KCNIP4: variants seen among roughly 807,000 people sequenced by gnomAD.
The protein encoded by KCNIP4 is Kv channel-interacting protein 4.
KCNIP4 carries 12 observed loss-of-function variants against 34.0 expected under a neutral mutation model. That is an observed-to-expected ratio of 0.35 (90% confidence interval 0.23 to 0.57). KCNIP4 has a LOEUF of 0.57. KCNIP4 is among the 20% of genes least tolerant of loss of function. The pLI is 0.83. For missense variants in KCNIP4, 238 were observed against 311.7 expected (o/e 0.76, Z 1.78); for synonymous variants, 124 against 102.2 (o/e 1.21, Z -1.29).
At chr4:21,382,885 C>T (rs948358198) in intron 1 of KCNIP4, among the ~76,000 whole-genome samples, 1 of 152,138 alleles carries the variant, frequency 6.6e-6, no homozygotes, top group African/African-American at 2.4e-5. Flanking sequence ...GTGTATACAA[C>T]AGTGATTACC....
chr4:21,938,867 C>T (rs1286517869), intron 1 of KCNIP4, among the ~76,000 whole-genome samples: 1 of 152,098 alleles, frequency 6.6e-6, no homozygotes, highest in African/African-American at 2.4e-5. Flanking sequence ...AAACAATTAA[C>T]ATATCTTTTT....
At chr4:21,228,980 CT>C (rs1758607109) in intron 1 of KCNIP4, among the ~76,000 whole-genome samples, 1 of 152,146 alleles carries the variant, frequency 6.6e-6, no homozygotes, top group South Asian at 2.1e-4. Flanking sequence ...CACTCAAGGC[CT>C]CTTTGATCTA....
At chr4:21,338,848 A>T (rs73802580) in intron 1 of KCNIP4, among the ~76,000 whole-genome samples, 1 of 152,058 alleles carries the variant, frequency 6.6e-6, no homozygotes, top group African/African-American at 2.4e-5. Context: ...TCATCACTTA[A>T]TCAGTTATAT....
chr4:21,463,808 A>G (rs1054287093), intron 1 of KCNIP4, among the ~76,000 whole-genome samples: 6 of 152,028 alleles, frequency 3.9e-5, no homozygotes, highest in African/African-American at 1.4e-4. Context: ...TAAATGTTTA[A>G]TCGAATTCAC....
intron 2 of KCNIP4, among the ~76,000 whole-genome samples, chr4:20,881,116 A>C (rs917517748): frequency 1.3e-5 from 2 of 152,196 alleles, no homozygotes; most frequent in African/African-American, 4.8e-5. Context: ...CAGCACAAGA[A>C]GCAGGCAGTG....
At chr4:21,645,988 C>G (rs1012142688) in intron 1 of KCNIP4, among the ~76,000 whole-genome samples, 1 of 152,182 alleles carries the variant, frequency 6.6e-6, no homozygotes, top group Non-Finnish European at 1.5e-5. Flanking sequence ...GCAATATCAC[C>G]AGACCTGCAG....
chr4:21,945,132 G>C (rs538044735), intron 1 of KCNIP4, among the ~76,000 whole-genome samples: 1 of 152,038 alleles, frequency 6.6e-6, no homozygotes, highest in African/African-American at 2.4e-5. Context: ...TAAATAAAAG[G>C]ACAAAAAATA....
intron 1 of KCNIP4, among the ~76,000 whole-genome samples, chr4:21,924,987 C>A (rs1415002794): frequency 6.6e-6 from 1 of 152,100 alleles, no homozygotes; most frequent in African/African-American, 2.4e-5. Flanking sequence ...ATCTCTCTTG[C>A]ATCACCTCTC....
intron 1 of KCNIP4, among the ~76,000 whole-genome samples, chr4:21,520,344 C>A (rs1228469559): frequency 2.0e-5 from 3 of 152,102 alleles, no homozygotes; most frequent in Non-Finnish European, 2.9e-5. Flanking sequence ...GTTTTCCAGC[C>A]TCCAGAGCTG....
chr4:21,920,846 C>A (rs1728898187), intron 1 of KCNIP4, among the ~76,000 whole-genome samples: 1 of 149,326 alleles, frequency 6.7e-6, no homozygotes, highest in African/African-American at 2.6e-5. Context: ...AAATTGAAAA[C>A]CTGTTAAGAA....
At chr4:21,888,304 A>T (rs1054966135) in intron 1 of KCNIP4, among the ~76,000 whole-genome samples, 4 of 152,138 alleles carry the variant, frequency 2.6e-5, no homozygotes, top group Admixed American at 2.6e-4. Flanking sequence ...GGCCACAAGA[A>T]TTACTCATGG....
chr4:20,813,162 A>T (rs907209685), intron 3 of KCNIP4, among the ~76,000 whole-genome samples: 2 of 152,192 alleles, frequency 1.3e-5, no homozygotes, highest in African/African-American at 4.8e-5. Flanking sequence ...TGAAGCTACC[A>T]TTGAAGATAC....
intron 1 of KCNIP4, among the ~76,000 whole-genome samples, chr4:21,020,568 G>A (rs544460754): frequency 1.3e-5 from 2 of 152,218 alleles, no homozygotes; most frequent in South Asian, 2.1e-4. Flanking sequence ...GGTACACAGA[G>A]TTTTTCTCTA....
intron 1 of KCNIP4, among the ~76,000 whole-genome samples, chr4:20,918,480 A>G (rs578033430): frequency 3.3e-5 from 5 of 152,202 alleles, no homozygotes; most frequent in African/African-American, 1.2e-4. Flanking sequence ...TAATACTTTT[A>G]TGGGCTTTTC....
chr4:21,566,484 C>T (rs1739898056), intron 1 of KCNIP4, among the ~76,000 whole-genome samples: 2 of 152,074 alleles, frequency 1.3e-5, no homozygotes, highest in Admixed American at 1.3e-4. Context: ...TCGCTCTCTT[C>T]CTCCTGCTCC....
chr4:20,996,153 C>T (rs1737536219), intron 1 of KCNIP4, among the ~76,000 whole-genome samples: 1 of 152,170 alleles, frequency 6.6e-6, no homozygotes, highest in Admixed American at 6.5e-5. Flanking sequence ...GTTCCACCTC[C>T]AAAGTACATT....
intron 5 of KCNIP4, among the ~76,000 whole-genome samples, chr4:20,738,063 G>A (rs564479782): frequency 7.2e-5 from 11 of 151,742 alleles, no homozygotes; most frequent in South Asian, 4.2e-4. Context: ...CCAGAAGGTC[G>A]AGGCTACAGT....
At position 21,168,302 on chromosome 4, in the gene KCNIP4, G is replaced by A. The variant is rs947868580; in HGVS notation, c.62-285593C>T. The stretch of plus-strand genomic sequence containing the variant: ...ACCACAAAAGGAAAGTTTAGTAGTA[G>A]TGTCAGGGAACCACAAGTTTCAGAC... On this transcript the variant is annotated intron_variant, in intron 1 of 8. Transcript: ENST00000382152. Among the ~76,000 whole-genome samples the A allele has an allele frequency of 5.2e-4, 79 of 152,092 alleles. 1 individual carries two copies. The highest frequency in any genetic ancestry group is 1.8e-3 in the African/African-American group (75 of 41,422).
chr4:20,899,184 A>T (rs922791147), intron 1 of KCNIP4, among the ~76,000 whole-genome samples: 3 of 152,170 alleles, frequency 2.0e-5, no homozygotes, highest in Non-Finnish European at 4.4e-5. Context: ...TGTATTTTTT[A>T]AAAAAGTGTG....
Sources: allele counts gnomAD v4.1 joint callset (sites outside exome capture counted in the v4.1 genomes callset), GRCh38; gene constraint gnomAD v4.1.1; transcripts MANE v1.5; gene names NCBI Gene and HGNC (gene_info 2026-07-23, HGNC 2026-07-21).